UBASH3B: variants seen among roughly 807,000 people sequenced by gnomAD.
The protein encoded by UBASH3B is ubiquitin associated and SH3 domain containing B.
UBASH3B carries 37 observed loss-of-function variants against 83.4 expected under a neutral mutation model. That is an observed-to-expected ratio of 0.44 (90% CI 0.34 to 0.58). The LOEUF is 0.58. Among genes scored for constraint, UBASH3B ranks in the 20% least tolerant of loss-of-function variants. The pLI is 0.01. For missense variants in UBASH3B, 657 were observed against 827.2 expected (o/e 0.79, Z 2.52); for synonymous variants, 304 against 318.3 (o/e 0.96, Z 0.48).
intron 1 of UBASH3B, among the ~76,000 whole-genome samples, chr11:122,674,988 C>T (rs1863649371): frequency 6.6e-6 from 1 of 152,114 alleles, no homozygotes; most frequent in Non-Finnish European, 1.5e-5. Context: ...CTTCGTCTCC[C>T]AAAGTACTGG....
chr11:122,794,722 C>T lies in UBASH3B; in HGVS notation c.1001C>T (p.Thr334Ile), dbSNP rs558670793. The T allele has an allele frequency of 6.5e-5, 105 of 1,614,146 alleles. 1 individual carries two copies. In the Middle Eastern group the frequency reaches 9.6e-3, roughly 147 times the overall value. Reference protein sequence around the residue: ...IFHGSYSILNTSSSNSLTFGD... With the variant: ...IFHGSYSILNISSSNSLTFGD... The stretch of plus-strand genomic sequence containing the variant: ...TGCAGTTCTTATTCAATCTTAAATA[C>T]ATCGTCATCCAACTCTCTCACGTTT... The change falls in exon 7 of 14, where the codon ACA becomes ATA. Residue 334 changes from threonine to isoleucine, a missense_variant. Around this residue, in one of 3 missense-constraint regions of UBASH3B, gnomAD observed 573 missense variants for 739.0 expected, o/e 0.78. Transcript: ENST00000284273.
intron 1 of UBASH3B, among the ~76,000 whole-genome samples, chr11:122,734,806 AAAAAAGAAAAAG>A (rs980233546): frequency 2.0e-5 from 3 of 151,714 alleles, no homozygotes; most frequent in Non-Finnish European, 4.4e-5. Flanking sequence ...TCTTAAAAAA[AAAAAAGAAAAAG>A]AAAAAGAAAA....
intron 6 of UBASH3B, among the ~76,000 whole-genome samples, chr11:122,790,159 T>C (rs888380549): frequency 2.0e-5 from 3 of 152,148 alleles, no homozygotes; most frequent in Non-Finnish European, 4.4e-5. Flanking sequence ...AGCTGCTTGG[T>C]GGCTAATATT....
chr11:122,656,360 C>A, intron 1 of UBASH3B, 150 bp downstream of exon 1: 1 of 780,878 alleles, frequency 1.3e-6, no homozygotes, highest in Non-Finnish European at 1.7e-6. Flanking sequence ...GGCGCGCTGG[C>A]AACCCGGGAC....
At chr11:122,743,995 T>C (rs749846652) in intron 1 of UBASH3B, among the ~76,000 whole-genome samples, 1 of 152,244 alleles carries the variant, frequency 6.6e-6, no homozygotes, top group Non-Finnish European at 1.5e-5. Flanking sequence ...GAGCTGGTGC[T>C]GCTCAGGAGC....
rs939173049 is a variant in UBASH3B at position 122,754,943 on chromosome 11, G to A, written c.162-21276G>A. Among the ~76,000 whole-genome samples, 8 of 152,256 alleles carry A rather than the reference G, an allele frequency of 5.3e-5. No homozygotes were observed. In the East Asian group the frequency reaches 1.2e-3, roughly 22 times the overall value. ...CTCGGTCCTCCTCCTAGAGCTGCAC[G>A]ATAGTCAAAAGGGGTGGAAAGAAGG... On this transcript the variant is annotated intron_variant, in intron 1 of 13. Transcript: ENST00000284273.
At chr11:122,767,217 A>T (rs10790527) in intron 1 of UBASH3B, among the ~76,000 whole-genome samples, 7 of 151,398 alleles carry the variant, frequency 4.6e-5, no homozygotes, top group African/African-American at 1.5e-4. Context: ...AGCGGAGGTC[A>T]CAGTGAGTGA....
chr11:122,755,294 C>T (rs1424051289), intron 1 of UBASH3B, among the ~76,000 whole-genome samples: 1 of 152,188 alleles, frequency 6.6e-6, no homozygotes, highest in Non-Finnish European at 1.5e-5. Flanking sequence ...CTCTCAGAGT[C>T]TCGGTTTCCC....
At chr11:122,659,189 G>C (rs778825378) in intron 1 of UBASH3B, among the ~76,000 whole-genome samples, 19 of 151,930 alleles carry the variant, frequency 1.3e-4, no homozygotes, top group Non-Finnish European at 2.1e-4. Flanking sequence ...TATCTGCAAA[G>C]TCCTTTAAAA....
intron 1 of UBASH3B, among the ~76,000 whole-genome samples, chr11:122,768,466 A>AGGTGTGTGTGTG (rs745861229): frequency 3.9e-5 from 5 of 129,042 alleles, no homozygotes; most frequent in African/African-American, 1.0e-4. Flanking sequence ...AGAGATATAT[A>AGGTGTGTGTGTG]TGTATGTGTG....
chr11:122,805,496 C>T (rs1185743197), intron 11 of UBASH3B, among the ~76,000 whole-genome samples: 1 of 152,200 alleles, frequency 6.6e-6, no homozygotes, highest in East Asian at 1.9e-4. Context: ...CGAGCCATTG[C>T]ACTCCGGCCT....
rs1861433019 is a variant in UBASH3B, at chr11:122,810,801, G to A, written c.*915G>A. ...AGTTAAGGATGTTACATTTTGAAAG[G>A]ATGTATGTTAGATATATTATTTGCA... On this transcript the variant is annotated 3_prime_UTR_variant, in exon 14 of 14. Transcript: ENST00000284273. The A allele has an allele frequency of 1.3e-5, 2 of 152,128 alleles. No homozygotes were observed. Among genetic ancestry groups the A allele is most frequent in the Non-Finnish European group, 2.9e-5 (2 of 68,024 alleles). 9.4% of individuals were successfully genotyped at this position (152,128 alleles called of 1,614,324 possible).
chr11:122,693,871 G>GA lies in UBASH3B; in HGVS notation c.161+37668dup, dbSNP rs1863927280. 2.0e-5 allele frequency among the ~76,000 whole-genome samples: 3 copies of GA among 151,920 alleles called. No individual in the cohort carries two copies. In the East Asian group the frequency reaches 5.8e-4, roughly 29 times the overall value. On this transcript the variant is annotated intron_variant, in intron 1 of 13. Coordinates refer to ENST00000284273, the MANE Select transcript of UBASH3B (RefSeq NM_032873.5). ...GGGTGACAGAGTGAGACTCTGTCTC[G>GA]AAAAAAATAAAAATAAGAAAGAAAG... is the stretch of plus-strand genomic sequence containing the variant.
chr11:122,809,024 C>T, intron 13 of UBASH3B, among the ~76,000 whole-genome samples: 1 of 149,334 alleles, frequency 6.7e-6, no homozygotes, highest in East Asian at 1.9e-4. Flanking sequence ...AAAATATTTT[C>T]CATTGGGTCC....
chr11:122,776,210 T>C lies in UBASH3B; in HGVS notation c.162-9T>C. 5 of 1,610,798 alleles carry C rather than the reference T, an allele frequency of 3.1e-6. No individual in the cohort carries two copies. Among genetic ancestry groups the C allele is most frequent in the Non-Finnish European group, 4.2e-6 (5 of 1,178,666 alleles). Reference sequence around the variant, plus strand: ...ATATTAACAATAGAAATTTGATTTCTTCTTTCAGACAAAAAGCCTTGGCAT... The same window carrying C: ...ATATTAACAATAGAAATTTGATTTCCTCTTTCAGACAAAAAGCCTTGGCAT... On this transcript the variant is annotated splice_polypyrimidine_tract_variant and intron_variant, in intron 1 of 13. Transcript: ENST00000284273.
intron 1 of UBASH3B, among the ~76,000 whole-genome samples, chr11:122,719,502 G>A (rs1277034081): frequency 6.6e-6 from 1 of 152,098 alleles, no homozygotes; most frequent in African/African-American, 2.4e-5. Context: ...CTCTGAGAGG[G>A]AAAAACCTGT....
intron 5 of UBASH3B, 98 bp downstream of exon 5, chr11:122,783,320 A>C (rs1860890948): frequency 1.4e-6 from 2 of 1,407,038 alleles, no homozygotes; most frequent in East Asian, 4.6e-5. Context: ...ACAGGGGAAA[A>C]ATGGAGCAAG....
chr11:122,793,902 A>T (rs531634769), intron 6 of UBASH3B, among the ~76,000 whole-genome samples: 8 of 152,318 alleles, frequency 5.3e-5, no homozygotes, highest in Non-Finnish European at 1.0e-4. Flanking sequence ...ACTTTGGCAC[A>T]AAGTTTCCTT....
At position 122,801,038 on chromosome 11, in the gene UBASH3B, C is replaced by T. The variant is rs906112378; in HGVS notation, c.1451-150C>T. Reference sequence around the variant, plus strand: ...ATTAGTAATGCACAAAAATTAAAAACCTTGTCCAAATCCACATGCTTCCAT... The same window carrying T: ...ATTAGTAATGCACAAAAATTAAAAATCTTGTCCAAATCCACATGCTTCCAT... On this transcript the variant is annotated intron_variant, in intron 10 of 13. Coordinates refer to ENST00000284273, the MANE Select transcript of UBASH3B (RefSeq NM_032873.5). The T allele has an allele frequency of 8.5e-6, 8 of 944,882 alleles. No individual in the cohort carries two copies. In the African/African-American group the frequency reaches 1.2e-4, roughly 14 times the overall value. The allele number at this position is 944,882 out of a possible 1,614,324, so 58.5% of individuals were successfully genotyped here. A position where few individuals can be genotyped will look rare whatever the true frequency, so the allele number is the denominator to read the frequency against.
Sources: gnomAD v4.1 joint callset for allele counts (sites outside exome capture counted in the v4.1 genomes callset) on GRCh38, gnomAD v4.1.1 for gene constraint, gnomAD v4.1.1 regional missense constraint, MANE v1.5 for transcripts, NCBI Gene and HGNC (gene_info 2026-07-23, HGNC 2026-07-21) for gene names.